KNOP1: variants seen among roughly 807,000 people sequenced by gnomAD.
KNOP1 encodes lysine-rich nucleolar protein 1.
In KNOP1, 20 loss-of-function variants were observed where a neutral mutation model predicts 30.6. That is an observed-to-expected ratio of 0.65 (90% CI 0.46 to 0.95). The LOEUF (loss-of-function observed/expected upper bound fraction) is 0.95, where lower values mean the gene tolerates loss of function less well. Among genes scored for constraint, KNOP1 ranks in the 40% least tolerant of loss-of-function variants. KNOP1 has a pLI of 0.00. For missense variants in KNOP1, 540 were observed against 562.0 expected (o/e 0.96, Z 0.40); for synonymous variants, 204 against 210.0 (o/e 0.97, Z 0.25).
rs1976931892 is a variant in KNOP1, at chr16:19,714,862, T to C, written c.174A>G (p.Ala58=). The C allele has an allele frequency of 6.2e-7, 1 of 1,613,556 alleles. No individual in the cohort carries two copies. Among genetic ancestry groups the C allele is most frequent in the South Asian group, 1.1e-5 (1 of 91,002 alleles). ...SPSKSVAHGQ[A]PEMPLVKKKK... ...TTTTCTTCACTAGAGGCATCTCAGG[T>C]GCCTGCCCATGGGCCACACTCTTAG... is the stretch of plus-strand genomic sequence containing the variant. The change falls in exon 2 of 5, where the codon GCA becomes GCG. Residue 58 remains alanine (A), a synonymous_variant. Transcript: ENST00000219837.
chr16:19,706,361 G>A lies in KNOP1; in HGVS notation c.*549C>T, dbSNP rs1270800932. On this transcript the variant is annotated 3_prime_UTR_variant, in exon 5 of 5. Transcript: ENST00000219837. ...GTACAACACCCTGCACTTAGTGGCT[G>A]GGTGACCCCAGGCAATTTTATTACT... 6.5e-6 allele frequency: 1 copy of A among 153,288 alleles called. No individual in the cohort carries two copies. The allele number at this position is 153,288 out of a possible 1,614,324, so 9.5% of individuals were successfully genotyped here.
In KNOP1 at chr16:19,714,841, C is replaced by A; in HGVS notation, c.195G>T (p.Lys65Asn). Residue 65 changes from lysine (K) to asparagine (N), a missense_variant, in exon 2 of 5, where the codon AAG becomes AAT. Transcript: ENST00000219837. ...HGQAPEMPLV[K>N]KKKKKKKGVS... The stretch of plus-strand genomic sequence containing the variant: ...CACCCTTCTTTTTCTTCTTCTTTTT[C>A]TTCACTAGAGGCATCTCAGGTGCCT... 5.0e-6 allele frequency: 8 copies of A among 1,613,718 alleles called. No individual in the cohort carries two copies. Among genetic ancestry groups the A allele is most frequent in the Non-Finnish European group, 6.8e-6 (8 of 1,179,920 alleles).
At chr16:19,718,066 A>G in intron 1 of KNOP1, 92 bp downstream of exon 1, 1 of 1,420,342 alleles carries the variant, frequency 7.0e-7, no homozygotes, top group Non-Finnish European at 9.2e-7. Flanking sequence ...ATGTGGGTGG[A>G]CCGCATTTCC....
chr16:19,708,621 C>G (rs558257768), intron 4 of KNOP1, among the ~76,000 whole-genome samples: 3 of 152,272 alleles, frequency 2.0e-5, no homozygotes, highest in Admixed American at 6.5e-5. Flanking sequence ...CTGCTGACAT[C>G]GACGCTGCCT....
At chr16:19,716,398 G>A (rs1977078964) in intron 1 of KNOP1, 2 of 152,334 alleles carry the variant, frequency 1.3e-5, no homozygotes, top group Non-Finnish European at 2.9e-5. Flanking sequence ...TGGAGGTTGT[G>A]GAACCTGTCC....
At chr16:19,709,738 C>T (rs549247347) in intron 4 of KNOP1, among the ~76,000 whole-genome samples, 54 of 152,340 alleles carry the variant, frequency 3.5e-4, no homozygotes, top group Non-Finnish European at 8.8e-5. Flanking sequence ...GCACCCTGAA[C>T]ATCTCTGGAC....
At position 19,714,737 on chromosome 16, in the gene KNOP1, C is replaced by T. The variant is rs1470494995; in HGVS notation, c.299G>A (p.Arg100Lys). The change falls in exon 2 of 5, where the codon AGG becomes AAG. Residue 100 changes from arginine to lysine, a missense_variant. Arg to Lys is a conservative substitution (Grantham distance 26, BLOSUM62 2). Transcript: ENST00000219837. ...CTCCAAGTGGCCAAACACCTGCTTC[C>T]TGAGGCTGGGTGACTTCTCTGTCCG... The part of the protein sequence containing the change: ...ARRTEKSPSL[R>K]KQVFGHLEFL... 4 of 1,614,086 alleles carry T rather than the reference C, an allele frequency of 2.5e-6. No individual in the cohort carries two copies. Among genetic ancestry groups the T allele is most frequent in the East Asian group, 2.2e-5 (1 of 44,894 alleles).
At chr16:19,711,049 T>A (rs1241537123) in intron 3 of KNOP1, among the ~76,000 whole-genome samples, 1 of 152,178 alleles carries the variant, frequency 6.6e-6, no homozygotes, top group Non-Finnish European at 1.5e-5. Context: ...GCTCCTGAAT[T>A]AGCCCAGGGG....
chr16:19,710,011 TCA>T (rs972207952), intron 4 of KNOP1, among the ~76,000 whole-genome samples: 1 of 151,986 alleles, frequency 6.6e-6, no homozygotes, highest in African/African-American at 2.4e-5. Context: ...CCTGACAACC[TCA>T]CACTCTCCAG....
At position 19,714,818 on chromosome 16, in the gene KNOP1, C is replaced by T. The variant is rs201093179; in HGVS notation, c.218G>A (p.Gly73Asp). The T allele has an allele frequency of 8.1e-6, 13 of 1,613,762 alleles. No homozygotes were observed. The highest frequency in any genetic ancestry group is 1.1e-5 in the Non-Finnish European group (13 of 1,179,962). The change falls in exon 2 of 5, where the codon GGT becomes GAT. Residue 73 changes from glycine (G) to aspartate (D), a missense_variant. Gly to Asp is a moderately conservative substitution (Grantham distance 94). Transcript: ENST00000219837. Reference protein sequence around the residue: ...LVKKKKKKKKGVSTLCEEHVE... With the variant: ...LVKKKKKKKKDVSTLCEEHVE... ...ATGCTCCTCGCAAAGGGTGCTGACA[C>T]CCTTCTTTTTCTTCTTCTTTTTCTT...
At chr16:19,716,909 C>G (rs1170498918) in intron 1 of KNOP1, among the ~76,000 whole-genome samples, 2 of 152,240 alleles carry the variant, frequency 1.3e-5, no homozygotes, top group Admixed American at 1.3e-4. Context: ...GTGGCATCAT[C>G]TCGGCTCACT....
Position 19,704,765 on chromosome 16 carries a change from A to T in KNOP1, c.*2145T>A, listed in dbSNP as rs1253638622. The T allele has an allele frequency of 1.2e-5, 2 of 170,864 alleles. No individual in the cohort carries two copies. The highest frequency in any genetic ancestry group is 1.2e-4 in the Admixed American group (2 of 16,624). The allele number at this position is 170,864 out of a possible 1,614,324, so 10.6% of individuals were successfully genotyped here. A position where few individuals can be genotyped will look rare whatever the true frequency, so the allele number is the denominator to read the frequency against. On this transcript the variant is annotated 3_prime_UTR_variant, in exon 5 of 5. Coordinates refer to ENST00000219837, the MANE Select transcript of KNOP1 (RefSeq NM_001012991.3). ...ACGGCCTCTCCCATTATGTATCTCA[A>T]GGTTGAATCCAGGAAAGAAAGGCAG...
At position 19,703,912 on chromosome 16, in the gene KNOP1, T is replaced by C. The variant is rs1976258909; in HGVS notation, c.*2998A>G. The C allele has an allele frequency of 6.6e-6, 1 of 152,198 alleles. No individual in the cohort carries two copies. Among genetic ancestry groups the C allele is most frequent in the African/African-American group, 2.4e-5 (1 of 41,436 alleles). The allele number at this position is 152,198 out of a possible 1,614,324, so 9.4% of individuals were successfully genotyped here. A position where few individuals can be genotyped will look rare whatever the true frequency, so the allele number is the denominator to read the frequency against. On this transcript the variant is annotated 3_prime_UTR_variant, in exon 5 of 5. Coordinates refer to ENST00000219837, the MANE Select transcript of KNOP1 (RefSeq NM_001012991.3). Reference sequence around the variant, plus strand: ...GCTCCCCCTGTGCAAATGGAACTCCTAAGCCAGTGGTGATGTTGAGTTAGA... The same window carrying C: ...GCTCCCCCTGTGCAAATGGAACTCCCAAGCCAGTGGTGATGTTGAGTTAGA...
chr16:19,710,664 G>T, intron 3 of KNOP1, 78 bp from the exon 4 acceptor site: 2 of 1,225,558 alleles, frequency 1.6e-6, no homozygotes, highest in Non-Finnish European at 2.4e-6. Context: ...CAGAGACGGG[G>T]CTGGGGGAAC....
chr16:19,717,752 A>G (rs1977252102), intron 1 of KNOP1: 1 of 994,460 alleles, frequency 1.0e-6, no homozygotes, highest in Non-Finnish European at 1.2e-6. Context: ...AGAGACTACA[A>G]TAATTCACTT....
At chr16:19,717,423 T>G (rs566348275) in intron 1 of KNOP1, 1 of 985,308 alleles carries the variant, frequency 1.0e-6, no homozygotes, top group South Asian at 4.7e-5. Context: ...CAAGACGACT[T>G]CAGAATAGGG....
rs188604509 is a variant in KNOP1 at position 19,711,457 on chromosome 16, A to G, written c.919-17T>C. 6.2e-7 allele frequency: 1 copy of G among 1,613,674 alleles called. No individual in the cohort carries two copies. The highest frequency in any genetic ancestry group is 2.2e-5 in the East Asian group (1 of 44,886). On this transcript the variant is annotated splice_polypyrimidine_tract_variant and intron_variant, in intron 2 of 4. Coordinates refer to ENST00000219837, the MANE Select transcript of KNOP1 (RefSeq NM_001012991.3). ...GTCTGTTTCCTGCAGGAGAGGGCAGAGCTGGCTAAGGTTCAAGTTTACAAT... is the reference window on the plus strand; with the variant it reads ...GTCTGTTTCCTGCAGGAGAGGGCAGGGCTGGCTAAGGTTCAAGTTTACAAT...
intron 1 of KNOP1, chr16:19,717,248 T>G: frequency 1.1e-6 from 1 of 927,086 alleles, no homozygotes; most frequent in Non-Finnish European, 1.3e-6. Flanking sequence ...CACTGGGGGT[T>G]TAGGAACGTA....
Position 19,707,208 on chromosome 16 carries a change from C to T in KNOP1, c.1079G>A (p.Gly360Asp), listed in dbSNP as rs1412766322. The change falls in exon 5 of 5, where the codon GGC becomes GAC. Residue 360 changes from glycine to aspartate, a missense_variant. By Grantham distance (94) the Gly-to-Asp change is moderately conservative (BLOSUM62 -1). Coordinates refer to ENST00000219837, the MANE Select transcript of KNOP1 (RefSeq NM_001012991.3). ...CTCAAAACCAGCAGTATCCCACTGG[C>T]CAAACTGGGTTCCCTGTGAGGAGAG... The part of the protein sequence containing the change: ...ETRKWTGTQF[G>D]QWDTAGFENE... The T allele has an allele frequency of 1.2e-6, 2 of 1,612,522 alleles. No individual in the cohort carries two copies.
Sources: allele counts gnomAD v4.1 joint callset (sites outside exome capture counted in the v4.1 genomes callset), GRCh38; gene constraint gnomAD v4.1.1; transcripts MANE v1.5; gene names NCBI Gene and HGNC (gene_info 2026-07-23, HGNC 2026-07-21).